KCNMA1: variants seen among roughly 807,000 people sequenced by gnomAD.
The protein encoded by KCNMA1 is Calcium-activated potassium channel subunit alpha-1.
Under a neutral mutation model 140.0 loss-of-function variants are expected in KCNMA1, and 29 were observed. That is an observed-to-expected ratio of 0.21 (90% CI 0.15 to 0.28). The LOEUF is 0.28. Among genes scored for constraint, KCNMA1 ranks in the 10% least tolerant of loss-of-function variants. KCNMA1 has a pLI of 1.00. For missense variants in KCNMA1, 880 were observed against 1,602.2 expected (o/e 0.55, Z 7.70); for synonymous variants, 612 against 611.9 (o/e 1.00, Z 0.00).
chr10:77,004,794 A>G (rs1440041495), intron 18 of KCNMA1, among the ~76,000 whole-genome samples: 1 of 152,204 alleles, frequency 6.6e-6, no homozygotes, highest in Non-Finnish European at 1.5e-5. Context: ...AATCATGGAT[A>G]TTCAGAACCA....
At chr10:76,913,958 T>C (rs2051515373) in intron 24 of KCNMA1, 1 of 895,446 alleles carries the variant, frequency 1.1e-6, no homozygotes, top group African/African-American at 1.7e-5. Context: ...GTAGCCTTTC[T>C]GTTACAGCCG....
intron 1 of KCNMA1, among the ~76,000 whole-genome samples, chr10:77,554,597 CAAAAAAA>C (rs59754706): frequency 1.5e-4 from 13 of 84,100 alleles, no homozygotes; most frequent in Non-Finnish European, 2.1e-4. Flanking sequence ...TACTCCATCT[CAAAAAAA>C]AAAAAAAAAA....
At chr10:77,096,781 G>A (rs1286526145) in intron 9 of KCNMA1, among the ~76,000 whole-genome samples, 1 of 152,140 alleles carries the variant, frequency 6.6e-6, no homozygotes, top group African/African-American at 2.4e-5. Context: ...TATTGATCTA[G>A]ATGTCTCTGT....
At chr10:77,580,663 C>T (rs894711929) in intron 1 of KCNMA1, among the ~76,000 whole-genome samples, 1 of 152,154 alleles carries the variant, frequency 6.6e-6, no homozygotes, top group South Asian at 2.1e-4. Context: ...CTTGCTCCTG[C>T]AGAAGAGCCA....
intron 14 of KCNMA1, among the ~76,000 whole-genome samples, chr10:77,048,725 T>C (rs1461848016): frequency 6.6e-6 from 1 of 152,234 alleles, no homozygotes; most frequent in Non-Finnish European, 1.5e-5. Flanking sequence ...GTATTTAACA[T>C]GTTAAGAGGA....
At chr10:76,931,944 C>T (rs1406303813) in intron 23 of KCNMA1, among the ~76,000 whole-genome samples, 1 of 152,088 alleles carries the variant, frequency 6.6e-6, no homozygotes, top group Non-Finnish European at 1.5e-5. Context: ...ATAATCCTAA[C>T]TTATGATTTG....
intron 2 of KCNMA1, among the ~76,000 whole-genome samples, chr10:77,360,711 CAG>C (rs1278685320): frequency 2.0e-5 from 3 of 152,206 alleles, no homozygotes; most frequent in Non-Finnish European, 4.4e-5. Context: ...AAGGGAAACT[CAG>C]GGGAGAAACT....
chr10:77,382,986 GTGTGTGTGTATA>G (rs1368530618), intron 2 of KCNMA1, among the ~76,000 whole-genome samples: 89 of 58,176 alleles, frequency 1.5e-3, no homozygotes, highest in African/African-American at 6.4e-3. Context: ...GTGTGTGTGT[GTGTGTGTGTATA>G]TATATATATA....
At chr10:77,231,460 A>C (rs1471767275) in intron 3 of KCNMA1, among the ~76,000 whole-genome samples, 4 of 152,216 alleles carry the variant, frequency 2.6e-5, no homozygotes, top group African/African-American at 9.7e-5. Context: ...ATTGATAGTG[A>C]AACTTTGCAA....
chr10:77,543,822 G>A (rs1298281592), intron 1 of KCNMA1, among the ~76,000 whole-genome samples: 1 of 152,150 alleles, frequency 6.6e-6, no homozygotes, highest in Admixed American at 6.5e-5. Flanking sequence ...AAGAAAGGGG[G>A]TAGGAGGTAG....
At chr10:77,305,410 G>A (rs368155583) in intron 2 of KCNMA1, among the ~76,000 whole-genome samples, 1 of 152,124 alleles carries the variant, frequency 6.6e-6, no homozygotes, top group African/African-American at 2.4e-5. Flanking sequence ...AGAAAGAAAC[G>A]AAGGTTGAAA....
At chr10:77,145,899 G>C (rs1430255370) in intron 5 of KCNMA1, among the ~76,000 whole-genome samples, 2 of 152,160 alleles carry the variant, frequency 1.3e-5, no homozygotes, top group Non-Finnish European at 2.9e-5. Flanking sequence ...AAGTATCTCA[G>C]TTTCCCCAAC....
chr10:77,382,994 GTATA>G (rs544257955), intron 2 of KCNMA1, among the ~76,000 whole-genome samples: 3,262 of 45,808 alleles, frequency 0.071, 124 homozygotes, highest in East Asian at 0.25. Context: ...GTGTGTGTGT[GTATA>G]TATATATATA....
chr10:77,255,300 G>A (rs1239333832), intron 2 of KCNMA1, among the ~76,000 whole-genome samples: 1 of 151,644 alleles, frequency 6.6e-6, no homozygotes. Flanking sequence ...ACACATACAC[G>A]GTGTATTTTT....
At chr10:77,584,054 C>T (rs2255649) in intron 1 of KCNMA1, among the ~76,000 whole-genome samples, 138,277 of 152,326 alleles carry the variant, frequency 0.91, 62,925 homozygotes, top group Middle Eastern at 0.97. Flanking sequence ...CTTTATCACG[C>T]ATTACTAAGG....
chr10:77,156,349 T>C (rs529144023), intron 5 of KCNMA1, among the ~76,000 whole-genome samples: 1 of 152,244 alleles, frequency 6.6e-6, no homozygotes, highest in South Asian at 2.1e-4. Flanking sequence ...GTTACAAAGT[T>C]TAGCGATTGC....
At chr10:77,526,532 C>T (rs560042591) in intron 1 of KCNMA1, among the ~76,000 whole-genome samples, 4 of 152,298 alleles carry the variant, frequency 2.6e-5, no homozygotes, top group East Asian at 3.9e-4. Context: ...TTGCACTTTT[C>T]GGTTGCTTGG....
At chr10:76,985,872 T>C (rs2081127637) in intron 19 of KCNMA1, among the ~76,000 whole-genome samples, 1 of 152,188 alleles carries the variant, frequency 6.6e-6, no homozygotes, top group Non-Finnish European at 1.5e-5. Context: ...CTAGTGGTGA[T>C]AACTAATGAC....
chr10:77,052,279 G>T (rs1305048123), intron 14 of KCNMA1, among the ~76,000 whole-genome samples: 1 of 152,130 alleles, frequency 6.6e-6, no homozygotes, highest in Non-Finnish European at 1.5e-5. Flanking sequence ...TTTCCTAACG[G>T]CCAGTAAGTT....
Sources: allele counts gnomAD v4.1 joint callset (sites outside exome capture counted in the v4.1 genomes callset), GRCh38; gene constraint gnomAD v4.1.1; transcripts MANE v1.5; gene names NCBI Gene and HGNC (gene_info 2026-07-23, HGNC 2026-07-21).